Variants in SNRPD3 observed in about 807,000 individuals in gnomAD.
The protein encoded by SNRPD3 is small nuclear ribonucleoprotein Sm D3.
For missense variants in SNRPD3, 73 were observed against 167.5 expected, an observed-to-expected ratio of 0.44 and a Z score of 3.11; for synonymous variants, 66 against 58.4, an observed-to-expected ratio of 1.13 and a Z score of -0.59.
intron 3 of SNRPD3, among the ~76,000 whole-genome samples, chr22:24,568,838 AGCCACT>A: frequency 6.6e-6 from 1 of 152,184 alleles, no homozygotes; most frequent in Admixed American, 6.5e-5. Context: ...TACAGGCGTG[AGCCACT>A]GCGCCCGGCT....
At chr22:24,563,468 C>T (rs1245441756) in intron 2 of SNRPD3, among the ~76,000 whole-genome samples, 1 of 151,968 alleles carries the variant, frequency 6.6e-6, no homozygotes, top group Non-Finnish European at 1.5e-5. Context: ...AAGCCAAGCA[C>T]TGGTGGCCAG....
chr22:24,555,923 C>T, upstream of SNRPD3: 22 of 1,304,748 alleles, frequency 1.7e-5, no homozygotes, highest in Non-Finnish European at 2.3e-5. Flanking sequence ...CCGCGCTCAA[C>T]ACTGGGGAAA....
Position 24,572,127 on chromosome 22 carries a change from TTTTG to T in SNRPD3, c.*153_*156del, listed in dbSNP as rs2045256040. 1 of 1,397,122 alleles carries T rather than the reference TTTTG, an allele frequency of 7.2e-7. No individual in the cohort carries two copies. Among genetic ancestry groups the T allele is most frequent in the Admixed American group, 2.0e-5 (1 of 49,050 alleles). The allele number at this position is 1,397,122 out of a possible 1,614,324, so 86.5% of individuals were successfully genotyped here. On this transcript the variant is annotated 3_prime_UTR_variant, in exon 4 of 4. Transcript: ENST00000215829. ...TTAAGCTAAATAAATCTGGGGGGTT[TTTTG>T]TTCTGTTTTGTTTTGTTTTCTTTGA...
At chr22:24,557,912 C>G (rs961496383) in intron 2 of SNRPD3, 112 bp downstream of exon 2, 60 of 1,063,992 alleles carry the variant, frequency 5.6e-5, no homozygotes, top group Non-Finnish European at 8.1e-5. Context: ...CAGTGATTTC[C>G]TAAGTGCCTA....
intron 2 of SNRPD3, among the ~76,000 whole-genome samples, chr22:24,563,193 C>T (rs2045159966): frequency 6.8e-6 from 1 of 147,496 alleles, no homozygotes; most frequent in African/African-American, 2.6e-5. Flanking sequence ...CACAGTGAGA[C>T]CCTGTCTCAT....
chr22:24,563,244 A>T (rs6004183), intron 2 of SNRPD3, among the ~76,000 whole-genome samples: 1 of 128,766 alleles, frequency 7.8e-6, no homozygotes, highest in Non-Finnish European at 1.6e-5. Context: ...GTGTGTGTGT[A>T]TGTGTGTATG....
In SNRPD3 at chr22:24,563,202, A is replaced by ATGTGTGTGTG. The variant is rs1491542810; in HGVS notation, c.127-4781_127-4780insGTGTGTGTGT. On this transcript the variant is annotated intron_variant, in intron 2 of 3. Coordinates refer to ENST00000215829, the MANE Select transcript of SNRPD3 (RefSeq NM_004175.5). ...GGGCAACACAGTGAGACCCTGTCTC[A>ATGTGTGTGTG]TATATGTGTGTGTGTGTGTGTGTGT... Among the ~76,000 whole-genome samples, 271 of 138,874 alleles carry ATGTGTGTGTG rather than the reference A, an allele frequency of 2.0e-3. 2 individuals are homozygous for ATGTGTGTGTG. The highest frequency in any genetic ancestry group is 6.9e-3 in the African/African-American group (248 of 35,834). The allele number at this position is 138,874 out of a possible 152,430, so 91.1% of individuals were successfully genotyped here. A position where few individuals can be genotyped will look rare whatever the true frequency, so the allele number is the denominator to read the frequency against.
Position 24,572,134 on chromosome 22 carries a change from C to A in SNRPD3, c.*157C>A. ...AAATAAATCTGGGGGGTTTTTTGTT[C>A]TGTTTTGTTTTGTTTTCTTTGAGAA... On this transcript the variant is annotated 3_prime_UTR_variant, in exon 4 of 4. Coordinates refer to ENST00000215829, the MANE Select transcript of SNRPD3 (RefSeq NM_004175.5). 7.0e-7 allele frequency: 1 copy of A among 1,421,898 alleles called. No homozygotes were observed. The highest frequency in any genetic ancestry group is 1.3e-5 in the South Asian group (1 of 79,346). The allele number at this position is 1,421,898 out of a possible 1,614,324, so 88.1% of individuals were successfully genotyped here. A position where few individuals can be genotyped will look rare whatever the true frequency, so the allele number is the denominator to read the frequency against.
At chr22:24,564,874 T>A (rs930405349) in intron 2 of SNRPD3, among the ~76,000 whole-genome samples, 1 of 151,090 alleles carries the variant, frequency 6.6e-6, no homozygotes, top group Admixed American at 6.6e-5. Context: ...AGACATACTT[T>A]GCCTTGTTCA....
At chr22:24,566,902 G>A (rs1435797086) in intron 2 of SNRPD3, among the ~76,000 whole-genome samples, 2 of 152,162 alleles carry the variant, frequency 1.3e-5, no homozygotes, top group African/African-American at 4.8e-5. Flanking sequence ...CCTGAGTGCT[G>A]CCTTAACCCT....
chr22:24,563,026 G>A (rs1416488235), intron 2 of SNRPD3, among the ~76,000 whole-genome samples: 5 of 152,114 alleles, frequency 3.3e-5, no homozygotes, highest in Non-Finnish European at 7.4e-5. Flanking sequence ...GGTCCCTCAA[G>A]TAGTTTTAAA....
At position 24,571,908 on chromosome 22, in the gene SNRPD3, C is replaced by A; in HGVS notation, c.320-8C>A. On this transcript the variant is annotated splice_polypyrimidine_tract_variant and splice_region_variant and intron_variant, in intron 3 of 3. Coordinates refer to ENST00000215829, the MANE Select transcript of SNRPD3 (RefSeq NM_004175.5). ...TGACCTGGCCTCATATTTTCTCTTC[C>A]CTTTCAGTGGCCGCAAGAGGAAGAG... 2 of 1,614,110 alleles carry A rather than the reference C, an allele frequency of 1.2e-6. No individual in the cohort carries two copies. Among genetic ancestry groups the A allele is most frequent in the Non-Finnish European group, 1.7e-6 (2 of 1,179,992 alleles).
At chr22:24,556,543 C>T (rs1041957520) in intron 1 of SNRPD3, among the ~76,000 whole-genome samples, 4 of 152,144 alleles carry the variant, frequency 2.6e-5, no homozygotes, top group African/African-American at 4.8e-5. Flanking sequence ...TGTATCTCTG[C>T]CCCAGTCCCC....
intron 2 of SNRPD3, among the ~76,000 whole-genome samples, chr22:24,566,503 C>T: frequency 6.6e-6 from 1 of 152,208 alleles, no homozygotes; most frequent in East Asian, 1.9e-4. Flanking sequence ...CTCAAGTGAT[C>T]CTCCCACCTT....
chr22:24,562,499 G>A (rs139710166), intron 2 of SNRPD3, among the ~76,000 whole-genome samples: 6,296 of 152,216 alleles, frequency 0.041, 294 homozygotes, highest in African/African-American at 0.11. Context: ...AGCCAAGATC[G>A]CGCCACTGCA....
chr22:24,568,198 G>A, intron 3 of SNRPD3, 22 bp downstream of exon 3: 1 of 1,582,112 alleles, frequency 6.3e-7, no homozygotes, highest in Non-Finnish European at 8.6e-7. Context: ...TCATGCACAG[G>A]TTTTAAAATA....
chr22:24,568,267 T>G (rs2045214564), intron 3 of SNRPD3, 91 bp downstream of exon 3: 2 of 989,834 alleles, frequency 2.0e-6, no homozygotes, highest in South Asian at 3.2e-5. Context: ...ACAGAGAGGG[T>G]TTGACCTCTG....
upstream of SNRPD3, chr22:24,555,741 G>A (rs2045045129): frequency 6.4e-7 from 1 of 1,550,654 alleles, no homozygotes; most frequent in South Asian, 1.2e-5. Context: ...CCTGTCCTTG[G>A]TGTGGGGTGC....
chr22:24,568,923 GGT>G (rs1180097033), intron 3 of SNRPD3, among the ~76,000 whole-genome samples: 1 of 152,148 alleles, frequency 6.6e-6, no homozygotes, highest in Non-Finnish European at 1.5e-5. Flanking sequence ...TGGTCAGGCT[GGT>G]CTTGAAGTCC....
Sources: allele counts gnomAD v4.1 joint callset (sites outside exome capture counted in the v4.1 genomes callset), GRCh38; gene constraint gnomAD v4.1.1; transcripts MANE v1.5; gene names NCBI Gene and HGNC (gene_info 2026-07-23, HGNC 2026-07-21).